Variants in VWC2L observed in about 807,000 individuals in gnomAD.
VWC2L encodes the protein von Willebrand factor C domain-containing protein 2-like.
A neutral mutation model predicts 21.6 loss-of-function variants in VWC2L; 10 were observed. That is an observed-to-expected ratio of 0.46 (90% CI 0.29 to 0.78). VWC2L has a LOEUF of 0.78. VWC2L is among the 30% of genes least tolerant of loss of function. The pLI, the probability that VWC2L is intolerant of heterozygous loss-of-function variation, is 0.10. For synonymous variants in VWC2L, 96 were observed against 94.3 expected, an observed-to-expected ratio of 1.02 and a Z score of -0.10; for missense variants, 209 against 277.1, an observed-to-expected ratio of 0.75 and a Z score of 1.74.
intron 3 of VWC2L, among the ~76,000 whole-genome samples, chr2:214,499,094 C>T (rs1281751797): frequency 7.1e-6 from 1 of 140,922 alleles, no homozygotes; most frequent in Admixed American, 7.6e-5. Context: ...TCTCAGCTCA[C>T]TGCAACCTCT....
intron 3 of VWC2L, among the ~76,000 whole-genome samples, chr2:214,519,697 A>G (rs1228892262): frequency 6.6e-6 from 1 of 152,068 alleles, no homozygotes; most frequent in Admixed American, 6.6e-5. Flanking sequence ...GAGATGCCAT[A>G]TTGTTTCTTT....
At position 214,577,549 on chromosome 2, in the gene VWC2L, G is replaced by T. The variant is rs1690252206; in HGVS notation, c.*1729G>T. The T allele has an allele frequency of 6.6e-6, 1 of 152,218 alleles. No individual in the cohort carries two copies. The allele number at this position is 152,218 out of a possible 1,614,324, so 9.4% of individuals were successfully genotyped here. On this transcript the variant is annotated 3_prime_UTR_variant, in exon 4 of 4. Transcript: ENST00000312504. ...CAGTATAGAGTGGTTTCTGGCAGGGGACACAGTAGGCAAGCTCTAGCAGCA... is the reference window on the plus strand; with the variant it reads ...CAGTATAGAGTGGTTTCTGGCAGGGTACACAGTAGGCAAGCTCTAGCAGCA...
intron 3 of VWC2L, 44 bp downstream of exon 3, chr2:214,436,802 A>G: frequency 6.2e-7 from 1 of 1,608,628 alleles, no homozygotes; most frequent in Non-Finnish European, 8.5e-7. Context: ...GTTCGCACAA[A>G]ATACAAATAT....
intron 2 of VWC2L, among the ~76,000 whole-genome samples, chr2:214,428,247 C>T (rs952976446): frequency 1.3e-5 from 2 of 152,090 alleles, no homozygotes; most frequent in African/African-American, 4.8e-5. Context: ...AAAATTAGAG[C>T]ACTCTTAATA....
chr2:214,457,820 T>C (rs977689000), intron 3 of VWC2L, among the ~76,000 whole-genome samples: 1 of 152,146 alleles, frequency 6.6e-6, no homozygotes, highest in Non-Finnish European at 1.5e-5. Flanking sequence ...AAATCTCACT[T>C]GATCATGGTG....
intron 3 of VWC2L, among the ~76,000 whole-genome samples, chr2:214,531,684 G>A (rs1009303935): frequency 4.6e-5 from 7 of 152,100 alleles, no homozygotes; most frequent in Admixed American, 3.9e-4. Context: ...GGACAGTACA[G>A]CTAAAGCAAT....
rs77816070 is a variant in VWC2L, at chr2:214,520,526, G to C, written c.521-55146G>C. On this transcript the variant is annotated intron_variant, in intron 3 of 3. Coordinates refer to ENST00000312504, the MANE Select transcript of VWC2L (RefSeq NM_001080500.4). The stretch of plus-strand genomic sequence containing the variant: ...CTTATTTCCCGAGACTGGCGATATA[G>C]AAGTAAAATTACCAGGTCAAAAGGT... Among the ~76,000 whole-genome samples the C allele has an allele frequency of 8.7e-3, 1,325 of 152,188 alleles. 19 individuals are homozygous for C. The highest frequency in any genetic ancestry group is 0.029 in the African/African-American group (1,202 of 41,516).
intron 2 of VWC2L, among the ~76,000 whole-genome samples, chr2:214,417,366 G>T (rs937957753): frequency 2.6e-5 from 4 of 152,164 alleles, no homozygotes; most frequent in South Asian, 2.1e-4. Flanking sequence ...GCAGGTAAAA[G>T]TTAAGTATAT....
chr2:214,564,436 A>T (rs1690030315), intron 3 of VWC2L, among the ~76,000 whole-genome samples: 1 of 151,820 alleles, frequency 6.6e-6, no homozygotes, highest in Non-Finnish European at 1.5e-5. Context: ...AGGCAACAGT[A>T]ACCAAAACAG....
intron 3 of VWC2L, among the ~76,000 whole-genome samples, chr2:214,506,057 T>C (rs1276674996): frequency 1.3e-5 from 2 of 152,222 alleles, no homozygotes; most frequent in Non-Finnish European, 2.9e-5. Flanking sequence ...TGATTAATTC[T>C]ATCAACAACA....
intron 3 of VWC2L, among the ~76,000 whole-genome samples, chr2:214,464,227 T>C (rs1007299631): frequency 6.6e-6 from 1 of 152,128 alleles, no homozygotes; most frequent in Non-Finnish European, 1.5e-5. Flanking sequence ...CGTTAATGTA[T>C]AGGCATTGAA....
At chr2:214,518,939 G>A (rs778618374) in intron 3 of VWC2L, among the ~76,000 whole-genome samples, 4 of 152,108 alleles carry the variant, frequency 2.6e-5, no homozygotes, top group Non-Finnish European at 5.9e-5. Flanking sequence ...CCATCAAAGA[G>A]CATATTTGAT....
intron 3 of VWC2L, among the ~76,000 whole-genome samples, chr2:214,506,215 C>A (rs1574603537): frequency 6.6e-6 from 1 of 151,714 alleles, no homozygotes; most frequent in Non-Finnish European, 1.5e-5. Context: ...TTTATTTGGG[C>A]AAAAAAGTAG....
chr2:214,482,740 G>A lies in VWC2L; in HGVS notation c.520+45982G>A, dbSNP rs187005316. 5.4e-4 allele frequency among the ~76,000 whole-genome samples: 82 copies of A among 151,414 alleles called. 1 individual carries two copies. The highest frequency in any genetic ancestry group is 7.4e-5 in the Non-Finnish European group (5 of 67,872). On this transcript the variant is annotated intron_variant, in intron 3 of 3. Transcript: ENST00000312504. ...CTACTTGGGAGGCTGTTTAGCCTGG[G>A]CAACACAGTGAAACTGCATCTCAAA...
chr2:214,432,157 C>A (rs1315415174), intron 2 of VWC2L, among the ~76,000 whole-genome samples: 1 of 152,108 alleles, frequency 6.6e-6, no homozygotes, highest in Non-Finnish European at 1.5e-5. Flanking sequence ...TATGGTTTAG[C>A]AAATAAGAAA....
chr2:214,477,556 G>C (rs1688542750), intron 3 of VWC2L, among the ~76,000 whole-genome samples: 1 of 152,240 alleles, frequency 6.6e-6, no homozygotes, highest in Non-Finnish European at 1.5e-5. Flanking sequence ...AATGACAGCA[G>C]TTTGGGAGTG....
At chr2:214,557,682 AG>A (rs1689894637) in intron 3 of VWC2L, among the ~76,000 whole-genome samples, 1 of 152,160 alleles carries the variant, frequency 6.6e-6, no homozygotes, top group African/African-American at 2.4e-5. Context: ...TTAGCAGATT[AG>A]GGCCCCTCCT....
At chr2:214,547,578 G>A (rs1316357826) in intron 3 of VWC2L, among the ~76,000 whole-genome samples, 9 of 152,136 alleles carry the variant, frequency 5.9e-5, no homozygotes, top group Non-Finnish European at 2.9e-5. Flanking sequence ...GCATCAACAT[G>A]AAAGCTACTG....
chr2:214,440,607 G>A (rs547749992), intron 3 of VWC2L, among the ~76,000 whole-genome samples: 44 of 152,108 alleles, frequency 2.9e-4, no homozygotes, highest in African/African-American at 1.0e-3. Flanking sequence ...AATTTGACTA[G>A]TAATGTGGCT....
Sources: allele counts gnomAD v4.1 joint callset (sites outside exome capture counted in the v4.1 genomes callset), GRCh38; gene constraint gnomAD v4.1.1; transcripts MANE v1.5; gene names NCBI Gene and HGNC (gene_info 2026-07-23, HGNC 2026-07-21).